Variants in PRELID2 observed in about 807,000 individuals in gnomAD.
PRELID2 encodes the protein PRELI domain containing 2.
Under a neutral mutation model 28.4 loss-of-function variants are expected in PRELID2, and 25 were observed. The observed-to-expected ratio is 0.88, with a 90% CI of 0.64 to 1.23. The LOEUF is 1.23. Among genes scored for constraint, PRELID2 ranks in the 50% most tolerant of loss-of-function variants. The pLI is 0.00. For missense variants in PRELID2, 201 were observed against 214.4 expected, an observed-to-expected ratio of 0.94 and a Z score of 0.39; for synonymous variants, 76 against 71.6, an observed-to-expected ratio of 1.06 and a Z score of -0.31.
At chr5:145,653,147 C>T (rs1754328952) in intron 1 of PRELID2, among the ~76,000 whole-genome samples, 1 of 152,082 alleles carries the variant, frequency 6.6e-6, no homozygotes, top group Non-Finnish European at 1.5e-5. Context: ...ATCAAAAGGA[C>T]AAAGAAGGCC....
chr5:145,832,187 T>G (rs139239928), intron 1 of PRELID2, among the ~76,000 whole-genome samples: 210 of 152,208 alleles, frequency 1.4e-3, no homozygotes, highest in African/African-American at 5.0e-3. Context: ...TGGGTTTTTT[T>G]GTTTGTTTTT....
chr5:145,389,019 C>T, the PRELID2 span, among the ~76,000 whole-genome samples: 1 of 152,246 alleles, frequency 6.6e-6, no homozygotes, highest in African/African-American at 2.4e-5. Flanking sequence ...GTGCTAGCTC[C>T]TAATATTGTG....
intron 1 of PRELID2, among the ~76,000 whole-genome samples, chr5:145,585,501 G>C (rs186270181): frequency 6.6e-6 from 1 of 152,210 alleles, no homozygotes; most frequent in African/African-American, 2.4e-5. Flanking sequence ...ATTTTATAGT[G>C]CTATGGTTAG....
At chr5:145,278,970 A>T in the PRELID2 span, among the ~76,000 whole-genome samples, 1 of 152,174 alleles carries the variant, frequency 6.6e-6, no homozygotes, top group Admixed American at 6.5e-5. Flanking sequence ...GACCCCGAAC[A>T]AAAACACTGC....
At chr5:145,290,061 T>C in the PRELID2 span, among the ~76,000 whole-genome samples, 20 of 152,110 alleles carry the variant, frequency 1.3e-4, no homozygotes, top group African/African-American at 3.9e-4. Context: ...TACCATCTCA[T>C]ACCAGTTAGA....
intron 1 of PRELID2, among the ~76,000 whole-genome samples, chr5:145,670,568 G>C (rs1754686176): frequency 6.6e-6 from 1 of 152,094 alleles, no homozygotes; most frequent in South Asian, 2.1e-4. Context: ...AGATATACTG[G>C]TTAAACTAAA....
At chr5:145,252,859 T>C in the PRELID2 span, among the ~76,000 whole-genome samples, 1 of 152,136 alleles carries the variant, frequency 6.6e-6, no homozygotes, top group Non-Finnish European at 1.5e-5. Context: ...TTTATGTATA[T>C]TTCACCCAGT....
the PRELID2 span, among the ~76,000 whole-genome samples, chr5:145,422,636 T>C: frequency 4.5e-4 from 69 of 152,192 alleles, no homozygotes; most frequent in African/African-American, 1.3e-3. Context: ...TGTCTCTGCA[T>C]GTGAGATGGG....
the PRELID2 span, among the ~76,000 whole-genome samples, chr5:145,373,420 AAT>A: frequency 1.6e-5 from 1 of 61,876 alleles, no homozygotes; most frequent in Non-Finnish European, 2.7e-5. Flanking sequence ...CAACATATAT[AAT>A]ATATATGATA....
chr5:145,519,113 G>A (rs1327851658), intron 1 of PRELID2, among the ~76,000 whole-genome samples: 1 of 152,134 alleles, frequency 6.6e-6, no homozygotes, highest in South Asian at 2.1e-4. Flanking sequence ...CATGGACACA[G>A]ATATTATTGT....
At chr5:145,319,290 A>G in the PRELID2 span, among the ~76,000 whole-genome samples, 4 of 152,266 alleles carry the variant, frequency 2.6e-5, no homozygotes, top group Admixed American at 2.6e-4. Context: ...AATTTCCCTG[A>G]TAATGTCAAC....
rs188619316 is a variant in PRELID2, at chr5:145,709,856, C to T, written n.70+55075G>A. On this transcript the variant is annotated intron_variant and non_coding_transcript_variant, in intron 1 of 2. Coordinates refer to the PRELID2 transcript ENST00000510259. ...CCTTAGAGACTGGAGCAGATGAGAT[C>T]GGAGGAATTGAATGTGATCTTGCAA... Among the ~76,000 whole-genome samples, 520 of 152,278 alleles carry T rather than the reference C, an allele frequency of 3.4e-3. 1 individual carries two copies. Among genetic ancestry groups the T allele is most frequent in the African/African-American group, 0.011 (446 of 41,560 alleles).
At chr5:145,573,506 C>T (rs1321383239) in intron 1 of PRELID2, among the ~76,000 whole-genome samples, 1 of 152,034 alleles carries the variant, frequency 6.6e-6, no homozygotes, top group African/African-American at 2.4e-5. Flanking sequence ...CTTTCCTCTG[C>T]CCGCACAACA....
intron 1 of PRELID2, among the ~76,000 whole-genome samples, chr5:145,687,047 GT>G (rs1157904766): frequency 2.0e-5 from 3 of 151,856 alleles, no homozygotes; most frequent in Admixed American, 6.6e-5. Flanking sequence ...ATAATTACAG[GT>G]TTTTTTTAAT....
intron 1 of PRELID2, among the ~76,000 whole-genome samples, chr5:145,536,480 T>C (rs1752699713): frequency 6.6e-6 from 1 of 151,892 alleles, no homozygotes; most frequent in Non-Finnish European, 1.5e-5. Flanking sequence ...ACTCTCAACC[T>C]TGCACTACTG....
downstream of PRELID2, among the ~76,000 whole-genome samples, chr5:145,754,719 A>G (rs985337272): frequency 6.6e-6 from 1 of 152,222 alleles, no homozygotes; most frequent in African/African-American, 2.4e-5. Context: ...TTGATGTCTT[A>G]CAATTCTGCA....
the PRELID2 span, among the ~76,000 whole-genome samples, chr5:145,445,871 G>T: frequency 6.6e-6 from 1 of 151,928 alleles, no homozygotes; most frequent in East Asian, 1.9e-4. Context: ...AGCAAATGCT[G>T]GTGGGGATAT....
the PRELID2 span, among the ~76,000 whole-genome samples, chr5:145,455,544 A>G: frequency 6.6e-6 from 1 of 152,116 alleles, no homozygotes; most frequent in Non-Finnish European, 1.5e-5. Context: ...CAGTATGGCC[A>G]TTTTCATGAT....
intron 1 of PRELID2, among the ~76,000 whole-genome samples, chr5:145,825,074 A>C (rs1161581766): frequency 6.6e-6 from 1 of 151,540 alleles, no homozygotes; most frequent in Non-Finnish European, 1.5e-5. Context: ...AAAAATACAA[A>C]AATTAGCCAG....
Sources: gnomAD v4.1 joint callset for allele counts (sites outside exome capture counted in the v4.1 genomes callset) on GRCh38, gnomAD v4.1.1 for gene constraint, MANE v1.5 for transcripts, NCBI Gene and HGNC (gene_info 2026-07-23, HGNC 2026-07-21) for gene names.